Variants in LMBRD1 observed in about 807,000 individuals in gnomAD.
The protein encoded by LMBRD1 is lysosomal cobalamin transport escort protein LMBD1.
In LMBRD1, 64 loss-of-function variants were observed where a neutral mutation model predicts 74.8. The observed-to-expected ratio is 0.86, with a 90% confidence interval of 0.70 to 1.05. The LOEUF is 1.05. Ranked by LOEUF, LMBRD1 falls within the 50% of genes least tolerant of loss-of-function variation. LMBRD1 has a pLI of 0.00. For missense variants in LMBRD1, 652 were observed against 645.9 expected, an observed-to-expected ratio of 1.01 and a Z score of -0.10; for synonymous variants, 204 against 216.3, an observed-to-expected ratio of 0.94 and a Z score of 0.50.
intron 6 of LMBRD1, among the ~76,000 whole-genome samples, chr6:69,739,081 G>A (rs1242185815): frequency 6.6e-6 from 1 of 152,042 alleles, no homozygotes; most frequent in Non-Finnish European, 1.5e-5. Context: ...CATACCAGAA[G>A]TATCATGAGA....
chr6:69,734,632 G>A (rs551632394), intron 7 of LMBRD1, among the ~76,000 whole-genome samples: 3 of 152,238 alleles, frequency 2.0e-5, no homozygotes, highest in African/African-American at 4.8e-5. Flanking sequence ...CTGACCTCAG[G>A]TGACCCGCCC....
chr6:69,746,799 G>A, intron 5 of LMBRD1: 1 of 172,904 alleles, frequency 5.8e-6, no homozygotes, highest in Non-Finnish European at 1.3e-5. Flanking sequence ...AATGAATTTG[G>A]CTACAGCAAC....
intron 3 of LMBRD1, among the ~76,000 whole-genome samples, chr6:69,770,542 C>T (rs1396966484): frequency 6.6e-6 from 1 of 152,162 alleles, no homozygotes; most frequent in African/African-American, 2.4e-5. Context: ...CCCACTCACT[C>T]AATCTTAACA....
At chr6:69,695,517 C>G (rs1019183619) in intron 14 of LMBRD1, among the ~76,000 whole-genome samples, 3 of 152,102 alleles carry the variant, frequency 2.0e-5, no homozygotes, top group Non-Finnish European at 4.4e-5. Flanking sequence ...ATGCTCAAGT[C>G]CCTTACATAA....
At chr6:69,678,315 G>T (rs1765589397) in intron 14 of LMBRD1, among the ~76,000 whole-genome samples, 1 of 152,076 alleles carries the variant, frequency 6.6e-6, no homozygotes, top group Admixed American at 6.6e-5. Context: ...TGAATTGGCT[G>T]ATGGGAAGGG....
At chr6:69,679,343 G>T (rs1344852832) in intron 14 of LMBRD1, among the ~76,000 whole-genome samples, 1 of 152,056 alleles carries the variant, frequency 6.6e-6, no homozygotes, top group Non-Finnish European at 1.5e-5. Flanking sequence ...TCACAGCAGA[G>T]ACTCCTGGAT....
chr6:69,755,109 T>C (rs1318761351), intron 3 of LMBRD1, among the ~76,000 whole-genome samples: 1 of 152,198 alleles, frequency 6.6e-6, no homozygotes, highest in Admixed American at 6.5e-5. Flanking sequence ...TAAATCATTC[T>C]ACTATAAAGA....
chr6:69,705,310 A>T (rs1421081327), intron 9 of LMBRD1: 1 of 750,038 alleles, frequency 1.3e-6, no homozygotes, highest in Non-Finnish European at 2.4e-6. Context: ...CTCAACTGCC[A>T]GAGATCTTGA....
At chr6:69,734,151 T>C (rs1766923233) in intron 7 of LMBRD1, among the ~76,000 whole-genome samples, 1 of 152,182 alleles carries the variant, frequency 6.6e-6, no homozygotes, top group Admixed American at 6.5e-5. Flanking sequence ...TGCTAGGAAG[T>C]TGGATCTTAG....
intron 14 of LMBRD1, among the ~76,000 whole-genome samples, chr6:69,690,614 A>C (rs1765856215): frequency 6.6e-6 from 1 of 152,152 alleles, no homozygotes; most frequent in Non-Finnish European, 1.5e-5. Context: ...ACCCCAAATC[A>C]ATCCATTTAT....
At chr6:69,768,592 T>C (rs1451401208) in intron 3 of LMBRD1, among the ~76,000 whole-genome samples, 5 of 152,036 alleles carry the variant, frequency 3.3e-5, no homozygotes, top group Admixed American at 2.0e-4. Flanking sequence ...CTTTATACAA[T>C]CTTAAATCTT....
intron 9 of LMBRD1, among the ~76,000 whole-genome samples, chr6:69,702,808 A>C (rs554274152): frequency 1.3e-5 from 2 of 152,238 alleles, no homozygotes; most frequent in East Asian, 3.9e-4. Context: ...TTTAACTGGA[A>C]TTGATATAAA....
intron 7 of LMBRD1, among the ~76,000 whole-genome samples, chr6:69,730,316 T>C (rs1766828742): frequency 6.6e-6 from 1 of 152,098 alleles, no homozygotes; most frequent in Non-Finnish European, 1.5e-5. Context: ...TTGTAAAGGG[T>C]CAACACTAAA....
At chr6:69,718,531 T>C (rs777891768) in intron 8 of LMBRD1, among the ~76,000 whole-genome samples, 26 of 152,188 alleles carry the variant, frequency 1.7e-4, no homozygotes, top group Non-Finnish European at 4.4e-5. Context: ...GGAAAGAGGT[T>C]TGATTGACTC....
At chr6:69,719,865 A>C (rs1164596740) in intron 7 of LMBRD1, among the ~76,000 whole-genome samples, 1 of 152,180 alleles carries the variant, frequency 6.6e-6, no homozygotes, top group Non-Finnish European at 1.5e-5. Context: ...CTTCTGGCAC[A>C]CTTTACCCCG....
At chr6:69,772,081 G>A (rs1765588599) in intron 3 of LMBRD1, among the ~76,000 whole-genome samples, 1 of 152,184 alleles carries the variant, frequency 6.6e-6, no homozygotes, top group South Asian at 2.1e-4. Flanking sequence ...AAGGTCAGTT[G>A]CTTTAGAAAT....
At chr6:69,709,274 G>T (rs1278464297) in intron 9 of LMBRD1, among the ~76,000 whole-genome samples, 1 of 151,658 alleles carries the variant, frequency 6.6e-6, no homozygotes, top group Non-Finnish European at 1.5e-5. Flanking sequence ...TGAAAATTTG[G>T]CTTCCTATTT....
intron 14 of LMBRD1, among the ~76,000 whole-genome samples, chr6:69,692,249 T>C (rs1765900729): frequency 6.6e-6 from 1 of 150,610 alleles, no homozygotes; most frequent in African/African-American, 2.4e-5. Flanking sequence ...ACCCTATTGG[T>C]CATGTGATTA....
intron 14 of LMBRD1, among the ~76,000 whole-genome samples, chr6:69,680,431 G>A (rs957149711): frequency 2.0e-5 from 3 of 152,080 alleles, no homozygotes; most frequent in African/African-American, 7.2e-5. Context: ...AACAGAGGCT[G>A]AGCTGGCAGA....
Sources: gnomAD v4.1 joint callset for allele counts (sites outside exome capture counted in the v4.1 genomes callset) on GRCh38, gnomAD v4.1.1 for gene constraint, MANE v1.5 for transcripts, NCBI Gene and HGNC (gene_info 2026-07-23, HGNC 2026-07-21) for gene names.